The following TASP1 variants were observed in gnomAD, a reference collection of about 807,000 sequenced individuals.
The protein encoded by TASP1 is threonine aspartase 1.
In TASP1, 16 loss-of-function variants were observed where a neutral mutation model predicts 56.6. The ratio of observed to expected loss-of-function variants is 0.28; its 90% confidence interval spans 0.19 to 0.43. The LOEUF (loss-of-function observed/expected upper bound fraction) is 0.43. Ranked by LOEUF, TASP1 falls within the 20% of genes least tolerant of loss-of-function variation. The pLI is 1.00. For synonymous variants in TASP1, 179 were observed against 184.2 expected, an observed-to-expected ratio of 0.97 and a Z score of 0.23; for missense variants, 393 against 511.6, an observed-to-expected ratio of 0.77 and a Z score of 2.24.
intron 11 of TASP1, among the ~76,000 whole-genome samples, chr20:13,450,594 C>T (rs1359024922): frequency 6.6e-6 from 1 of 152,116 alleles, no homozygotes; most frequent in Non-Finnish European, 1.5e-5. Flanking sequence ...AGCAACTCCT[C>T]ATCCGTTAAA....
chr20:13,453,138 A>G (rs2043686984), intron 11 of TASP1, among the ~76,000 whole-genome samples: 1 of 152,118 alleles, frequency 6.6e-6, no homozygotes, highest in Admixed American at 6.6e-5. Flanking sequence ...CACTAGATCT[A>G]TGGAGGAGGA....
the TASP1 span, among the ~76,000 whole-genome samples, chr20:13,138,141 C>T: frequency 6.6e-6 from 1 of 152,138 alleles, no homozygotes; most frequent in Non-Finnish European, 1.5e-5. Flanking sequence ...TTATTACCTC[C>T]TTGAATATGA....
At chr20:13,308,198 A>C in the TASP1 span, among the ~76,000 whole-genome samples, 3 of 152,198 alleles carry the variant, frequency 2.0e-5, no homozygotes, top group Non-Finnish European at 2.9e-5. Context: ...AAAGGAATAG[A>C]CAGGAATCCA....
At chr20:13,210,582 G>C in the TASP1 span, among the ~76,000 whole-genome samples, 1 of 151,408 alleles carries the variant, frequency 6.6e-6, no homozygotes, top group Non-Finnish European at 1.5e-5. Context: ...TGCATGTGCA[G>C]ATAAATGGGT....
intron 11 of TASP1, among the ~76,000 whole-genome samples, chr20:13,470,227 A>G (rs559432663): frequency 6.6e-6 from 1 of 152,076 alleles, no homozygotes; most frequent in Non-Finnish European, 1.5e-5. Context: ...GTCTTGTTTT[A>G]AATGAATTAT....
At chr20:13,318,115 A>T in the TASP1 span, among the ~76,000 whole-genome samples, 1 of 143,596 alleles carries the variant, frequency 7.0e-6, no homozygotes, top group Admixed American at 7.4e-5. Context: ...GATTCTTTAA[A>T]TGTTTCTGAG....
intron 10 of TASP1, among the ~76,000 whole-genome samples, chr20:13,483,547 G>A (rs1446772988): frequency 6.6e-6 from 1 of 152,070 alleles, no homozygotes; most frequent in Non-Finnish European, 1.5e-5. Context: ...TCAATCAAAA[G>A]CAAACCAATA....
chr20:13,164,940 A>C, the TASP1 span: 6 of 1,270,546 alleles, frequency 4.7e-6, no homozygotes, highest in African/African-American at 1.5e-5. Context: ...AGGAATATAA[A>C]TGGATTTCTC....
the TASP1 span, among the ~76,000 whole-genome samples, chr20:13,327,883 G>A: frequency 1.3e-5 from 2 of 152,104 alleles, no homozygotes; most frequent in Non-Finnish European, 2.9e-5. Context: ...TCCCATTCAG[G>A]ACATAGGCAT....
the TASP1 span, among the ~76,000 whole-genome samples, chr20:13,128,759 T>C: frequency 6.6e-6 from 1 of 151,936 alleles, no homozygotes; most frequent in Non-Finnish European, 1.5e-5. Context: ...GACATGATCT[T>C]GGCTCACTAC....
chr20:13,193,247 G>A, the TASP1 span, among the ~76,000 whole-genome samples: 1 of 152,082 alleles, frequency 6.6e-6, no homozygotes, highest in East Asian at 1.9e-4. Context: ...CTGTTAATGT[G>A]ACTATTATAT....
At chr20:13,631,279 T>C (rs1239886875) in intron 1 of TASP1, among the ~76,000 whole-genome samples, 3 of 152,176 alleles carry the variant, frequency 2.0e-5, no homozygotes, top group Non-Finnish European at 4.4e-5. Flanking sequence ...GATTCACAAA[T>C]GCAGGAAAAA....
the TASP1 span, among the ~76,000 whole-genome samples, chr20:13,281,734 C>CG: frequency 6.6e-6 from 1 of 152,248 alleles, no homozygotes; most frequent in South Asian, 2.1e-4. Flanking sequence ...AAAAGATCAG[C>CG]GCCACTGAGT....
At chr20:13,383,520 A>G in the TASP1 span, among the ~76,000 whole-genome samples, 1 of 152,198 alleles carries the variant, frequency 6.6e-6, no homozygotes, top group East Asian at 1.9e-4. Context: ...GTGATTTAAT[A>G]TAAGCAATAA....
the TASP1 span, among the ~76,000 whole-genome samples, chr20:13,366,992 G>C: frequency 3.9e-5 from 6 of 152,168 alleles, no homozygotes; most frequent in Admixed American, 1.3e-4. Context: ...TTCAGCTCTT[G>C]CTAAGCCTTG....
At chr20:13,548,372 T>C in intron 8 of TASP1, among the ~76,000 whole-genome samples, 1 of 151,926 alleles carries the variant, frequency 6.6e-6, no homozygotes. Flanking sequence ...AGTTAGACTG[T>C]GATGGGTCAA....
At chr20:13,397,980 T>C (rs1362632052) in intron 13 of TASP1, among the ~76,000 whole-genome samples, 2 of 152,094 alleles carry the variant, frequency 1.3e-5, no homozygotes, top group Admixed American at 1.3e-4. Context: ...ATCCTGATGA[T>C]TTGTACTAGG....
chr20:13,529,591 A>G (rs1483405702), intron 9 of TASP1, among the ~76,000 whole-genome samples: 1 of 152,222 alleles, frequency 6.6e-6, no homozygotes, highest in African/African-American at 2.4e-5. Flanking sequence ...AGCTTTTTAA[A>G]AAGTCTTTAA....
chr20:13,521,043 T>C (rs1488306262), intron 10 of TASP1, among the ~76,000 whole-genome samples: 1 of 152,180 alleles, frequency 6.6e-6, no homozygotes, highest in African/African-American at 2.4e-5. Flanking sequence ...TCACTGGCCA[T>C]CAGAGAAATA....
Sources: allele counts gnomAD v4.1 joint callset (sites outside exome capture counted in the v4.1 genomes callset), GRCh38; gene constraint gnomAD v4.1.1; transcripts MANE v1.5; gene names NCBI Gene and HGNC (gene_info 2026-07-23, HGNC 2026-07-21).